Variants in MEF2A observed in about 807,000 individuals in gnomAD.
The protein encoded by MEF2A is myocyte enhancer factor 2A, also known as myocyte-specific enhancer factor 2A.
Under a neutral mutation model 55.8 loss-of-function variants are expected in MEF2A, and 28 were observed. The ratio of observed to expected loss-of-function variants is 0.50; its 90% CI spans 0.37 to 0.69. The LOEUF is 0.69. Ranked by LOEUF, MEF2A falls within the 30% of genes least tolerant of loss-of-function variation. The pLI, the probability that MEF2A is intolerant of heterozygous loss-of-function variation, is 0.00. For synonymous variants in MEF2A, 239 were observed against 227.1 expected, an observed-to-expected ratio of 1.05 and a Z score of -0.47; for missense variants, 528 against 626.2, an observed-to-expected ratio of 0.84 and a Z score of 1.67.
At chr15:99,692,907 A>C (rs2153729625) in intron 8 of MEF2A, among the ~76,000 whole-genome samples, 1 of 152,370 alleles carries the variant, frequency 6.6e-6, no homozygotes, top group African/African-American at 2.4e-5. Context: ...GTGGTGAAGG[A>C]ACAGGAAGAC....
intron 3 of MEF2A, among the ~76,000 whole-genome samples, chr15:99,643,301 A>T (rs1481997179): frequency 6.6e-6 from 1 of 152,186 alleles, no homozygotes; most frequent in Non-Finnish European, 1.5e-5. Flanking sequence ...TAGAAGGAAA[A>T]TCTCTGTATG....
At chr15:99,641,840 C>T (rs2045035977) in intron 3 of MEF2A, among the ~76,000 whole-genome samples, 1 of 152,170 alleles carries the variant, frequency 6.6e-6, no homozygotes, top group Non-Finnish European at 1.5e-5. Context: ...ACTTTTTCTT[C>T]ATTATTCCTT....
intron 3 of MEF2A, among the ~76,000 whole-genome samples, chr15:99,633,455 A>G (rs1237154551): frequency 2.0e-5 from 3 of 152,068 alleles, no homozygotes. Flanking sequence ...TTCTCATAAG[A>G]TATTTAGTCT....
chr15:99,696,024 C>T lies in MEF2A; in HGVS notation c.858+5596C>T, dbSNP rs149361888. ...GCTTCACAACAAGGAAGAGTATCAG[C>T]GATAAGGAGGGACGTGACATAGTCC... On this transcript the variant is annotated intron_variant, in intron 8 of 11. Coordinates refer to ENST00000557942, the MANE Select transcript of MEF2A (RefSeq NM_001319206.4). 4.4e-3 allele frequency among the ~76,000 whole-genome samples: 669 copies of T among 152,236 alleles called. 8 individuals are homozygous for T. Among genetic ancestry groups the T allele is most frequent in the Non-Finnish European group, 3.9e-3 (262 of 67,996 alleles).
intron 2 of MEF2A, among the ~76,000 whole-genome samples, chr15:99,605,387 T>C (rs1451267847): frequency 6.6e-6 from 1 of 152,190 alleles, no homozygotes; most frequent in African/African-American, 2.4e-5. Context: ...ATGTAACATA[T>C]TCACAGGTTC....
chr15:99,627,948 A>T (rs770050990), intron 2 of MEF2A, among the ~76,000 whole-genome samples: 20 of 152,136 alleles, frequency 1.3e-4, no homozygotes, highest in Non-Finnish European at 2.6e-4. Flanking sequence ...ATAAAAGGGG[A>T]TTTTTTTGTG....
chr15:99,574,076 T>G (rs1963451102), intron 1 of MEF2A, among the ~76,000 whole-genome samples: 2 of 151,930 alleles, frequency 1.3e-5, no homozygotes, highest in Non-Finnish European at 2.9e-5. Context: ...CGGAAAAAAA[T>G]CAAACCTAGA....
Position 99,716,341 on chromosome 15 carries a change from A to G in MEF2A, c.*3570A>G, listed in dbSNP as rs903767037. The G allele has an allele frequency of 2.6e-5, 9 of 350,858 alleles. No homozygotes were observed. The highest frequency in any genetic ancestry group is 5.1e-5 in the Non-Finnish European group (9 of 175,376). 21.7% of individuals were successfully genotyped at this position (350,858 alleles called of 1,614,324 possible). ...TTTTAAGAAAAATAAGTTAATCTCA[A>G]TTTTTCCCTGAATGTGTTGTTTTTC... On this transcript the variant is annotated 3_prime_UTR_variant, in exon 12 of 12. Transcript: ENST00000557942.
intron 7 of MEF2A, among the ~76,000 whole-genome samples, chr15:99,679,381 T>C (rs1047562042): frequency 1.3e-5 from 2 of 152,246 alleles, no homozygotes; most frequent in African/African-American, 4.8e-5. Flanking sequence ...AAGAATATTA[T>C]ACTGCAGTGA....
At chr15:99,684,127 G>A (rs771269866) in intron 7 of MEF2A, among the ~76,000 whole-genome samples, 40 of 152,296 alleles carry the variant, frequency 2.6e-4, no homozygotes, top group Non-Finnish European at 4.9e-4. Flanking sequence ...GTTGGTTGAT[G>A]GGCATTTGGG....
At chr15:99,691,024 C>T (rs368755262) in intron 8 of MEF2A, among the ~76,000 whole-genome samples, 2 of 151,536 alleles carry the variant, frequency 1.3e-5, no homozygotes, top group African/African-American at 4.8e-5. Context: ...ACACCCTGAC[C>T]TGGATCATTA....
At chr15:99,601,545 G>T (rs915513970) in intron 2 of MEF2A, among the ~76,000 whole-genome samples, 4 of 149,278 alleles carry the variant, frequency 2.7e-5, no homozygotes, top group African/African-American at 7.4e-5. Flanking sequence ...TCACGAGTAG[G>T]TGTTGAATTT....
intron 7 of MEF2A, among the ~76,000 whole-genome samples, chr15:99,678,479 A>G (rs893167991): frequency 1.3e-5 from 2 of 152,220 alleles, no homozygotes; most frequent in African/African-American, 4.8e-5. Flanking sequence ...GAAACTCGTG[A>G]TAGGTCAGTT....
At chr15:99,576,096 G>C (rs560312685) in intron 1 of MEF2A, among the ~76,000 whole-genome samples, 31 of 152,192 alleles carry the variant, frequency 2.0e-4, no homozygotes, top group African/African-American at 7.2e-4. Flanking sequence ...TCCTTTATTG[G>C]GTAAGAGTAT....
At chr15:99,593,151 A>G (rs1567179774) in intron 1 of MEF2A, among the ~76,000 whole-genome samples, 1 of 152,162 alleles carries the variant, frequency 6.6e-6, no homozygotes, top group Non-Finnish European at 1.5e-5. Context: ...TTTCAGGAGC[A>G]CTTTCTCTCC....
intron 3 of MEF2A, among the ~76,000 whole-genome samples, chr15:99,636,755 A>T (rs1004382516): frequency 6.6e-6 from 1 of 152,154 alleles, no homozygotes; most frequent in Non-Finnish European, 1.5e-5. Context: ...ATCTTTACTT[A>T]CCATAAGGCC....
At chr15:99,631,567 G>A (rs773840895) in intron 2 of MEF2A, among the ~76,000 whole-genome samples, 8 of 151,976 alleles carry the variant, frequency 5.3e-5, no homozygotes, top group Non-Finnish European at 8.8e-5. Flanking sequence ...TTGGAATTAT[G>A]CAAACTCATT....
At chr15:99,654,434 G>A (rs2047350940) in intron 4 of MEF2A, among the ~76,000 whole-genome samples, 1 of 151,946 alleles carries the variant, frequency 6.6e-6, no homozygotes, top group South Asian at 2.1e-4. Flanking sequence ...GTATGTGAAA[G>A]CATTTTGAGA....
chr15:99,611,454 A>G (rs988734601), intron 2 of MEF2A, among the ~76,000 whole-genome samples: 44 of 152,200 alleles, frequency 2.9e-4, no homozygotes, highest in African/African-American at 1.0e-3. Flanking sequence ...AGGGAAATGC[A>G]GAATTAAAAC....
Sources: allele counts gnomAD v4.1 joint callset (sites outside exome capture counted in the v4.1 genomes callset), GRCh38; gene constraint gnomAD v4.1.1; transcripts MANE v1.5; gene names NCBI Gene and HGNC (gene_info 2026-07-23, HGNC 2026-07-21).